The following TBC1D32 variants were observed in gnomAD, a reference collection of about 807,000 sequenced individuals.
TBC1D32 encodes protein broad-minded.
Under a neutral mutation model 170.3 loss-of-function variants are expected in TBC1D32, and 151 were observed. That is an observed-to-expected ratio of 0.89 (90% confidence interval 0.78 to 1.01). The LOEUF (loss-of-function observed/expected upper bound fraction) is 1.01, where lower values mean the gene tolerates loss of function less well. TBC1D32 is among the 50% of genes least tolerant of loss of function. The pLI, the probability that TBC1D32 is intolerant of heterozygous loss-of-function variation, is 0.00. For missense variants in TBC1D32, 1,464 were observed against 1,457.1 expected, an observed-to-expected ratio of 1.00 and a Z score of -0.08; for synonymous variants, 498 against 488.0, an observed-to-expected ratio of 1.02 and a Z score of -0.27.
intron 30 of TBC1D32, among the ~76,000 whole-genome samples, chr6:121,096,797 T>C (rs1468011724): frequency 1.3e-5 from 2 of 152,220 alleles, no homozygotes; most frequent in Non-Finnish European, 1.5e-5. Flanking sequence ...CTTCAAACTA[T>C]ACTACAAGGC....
At chr6:121,316,443 C>T (rs1808947550) in intron 3 of TBC1D32, among the ~76,000 whole-genome samples, 1 of 152,076 alleles carries the variant, frequency 6.6e-6, no homozygotes, top group South Asian at 2.1e-4. Context: ...AGCCATCTGA[C>T]TGTATTAAAC....
chr6:121,184,082 G>C (rs1044883621), intron 22 of TBC1D32, among the ~76,000 whole-genome samples: 19 of 152,014 alleles, frequency 1.2e-4, no homozygotes, highest in African/African-American at 4.3e-4. Flanking sequence ...AATCAACACA[G>C]TCTCTATGAC....
In TBC1D32 at chr6:121,270,136, A is replaced by C. The variant is rs191057056; in HGVS notation, c.1733+8985T>G. Among the ~76,000 whole-genome samples, 412 of 152,320 alleles carry C rather than the reference A, an allele frequency of 2.7e-3. 1 individual carries two copies. The highest frequency in any genetic ancestry group is 4.6e-3 in the Admixed American group (70 of 15,294). On this transcript the variant is annotated intron_variant, in intron 15 of 31. Transcript: ENST00000398212. ...CAGTATGCAGAGGGAAATTTATAGC[A>C]CTAAATGCCCACAAGAGAAAGCAGG...
chr6:121,215,372 T>C (rs1275256392), intron 21 of TBC1D32, among the ~76,000 whole-genome samples: 1 of 152,212 alleles, frequency 6.6e-6, no homozygotes, highest in Non-Finnish European at 1.5e-5. Context: ...ACCAGCATCA[T>C]GGGGCATGCA....
intron 22 of TBC1D32, chr6:121,170,453 A>C: frequency 6.2e-7 from 1 of 1,607,992 alleles, no homozygotes; most frequent in Non-Finnish European, 8.5e-7. Flanking sequence ...AGCATTTAGT[A>C]ACATTTCAGA....
At chr6:121,172,504 A>C (rs1270703946) in intron 22 of TBC1D32, among the ~76,000 whole-genome samples, 1 of 152,172 alleles carries the variant, frequency 6.6e-6, no homozygotes. Context: ...GCAGGACTAC[A>C]AATGGCTCAG....
At chr6:121,229,106 T>C (rs1227610663) in intron 20 of TBC1D32, among the ~76,000 whole-genome samples, 1 of 152,082 alleles carries the variant, frequency 6.6e-6, no homozygotes, top group Non-Finnish European at 1.5e-5. Flanking sequence ...TATCTTTATC[T>C]TTAAAGTGAA....
Position 121,307,991 on chromosome 6 carries a change from A to G in TBC1D32, c.675T>C (p.Pro225=), listed in dbSNP as rs1285984331. 2.5e-6 allele frequency: 4 copies of G among 1,613,222 alleles called. No individual in the cohort carries two copies. The highest frequency in any genetic ancestry group is 3.4e-6 in the Non-Finnish European group (4 of 1,179,710). The part of the protein sequence containing the change: ...CEKLTVSLSD[P]DPVFSDRILK... ...ATTTTCTTACACTAAACACAGGATCAGGATCTGAAAGAGACACGGTCAGTT... is the reference window on the plus strand; with the variant it reads ...ATTTTCTTACACTAAACACAGGATCGGGATCTGAAAGAGACACGGTCAGTT... The change falls in exon 5 of 32, where the codon CCT becomes CCC. Residue 225 remains proline (P), a synonymous_variant. Coordinates refer to ENST00000398212, the MANE Select transcript of TBC1D32 (RefSeq NM_152730.6).
chr6:121,161,375 C>G lies in TBC1D32; in HGVS notation c.2571-319G>C, dbSNP rs548830616. Among the ~76,000 whole-genome samples the G allele has an allele frequency of 2.0e-3, 312 of 152,236 alleles. 1 individual carries two copies. Among genetic ancestry groups the G allele is most frequent in the African/African-American group, 7.2e-3 (300 of 41,528 alleles). On this transcript the variant is annotated intron_variant, in intron 22 of 31. Coordinates refer to ENST00000398212, the MANE Select transcript of TBC1D32 (RefSeq NM_152730.6). ...CCCCAGCTTCACCCTCTAACAGGCC[C>G]CAGTGTGTGTTGTTCCCCACCATGT...
At chr6:121,091,957 G>A (rs1776851823) in intron 30 of TBC1D32, among the ~76,000 whole-genome samples, 1 of 152,014 alleles carries the variant, frequency 6.6e-6, no homozygotes, top group Admixed American at 6.6e-5. Flanking sequence ...AGACACAAAT[G>A]GAGAACACCA....
At position 121,112,625 on chromosome 6, in the gene TBC1D32, C is replaced by A. The variant is rs1338414112; in HGVS notation, c.3204G>T (p.Trp1068Cys). The change falls in exon 29 of 32, where the codon TGG (tryptophan) becomes TGT (cysteine). Residue 1068 changes from tryptophan to cysteine, a missense_variant. Transcript: ENST00000398212. ...TTATCATGAACAGAGAAGATACAAA[C>A]CAGTCATGGCCAGCATAATTCCCTT... ...CLQGNYAGHD[W>C]FVSSLFMIML... is the part of the protein sequence containing the mutation. 6.2e-7 allele frequency: 1 copy of A among 1,600,166 alleles called. No homozygotes were observed. The highest frequency in any genetic ancestry group is 1.7e-5 in the Admixed American group (1 of 58,624).
intron 22 of TBC1D32, among the ~76,000 whole-genome samples, chr6:121,197,516 A>G: frequency 6.6e-6 from 1 of 152,182 alleles, no homozygotes; most frequent in East Asian, 1.9e-4. Context: ...ATACACTTGT[A>G]CTAAGACATT....
At chr6:121,259,173 C>T (rs1799441731) in intron 15 of TBC1D32, among the ~76,000 whole-genome samples, 1 of 151,914 alleles carries the variant, frequency 6.6e-6, no homozygotes, top group Non-Finnish European at 1.5e-5. Context: ...TGGCGCACAC[C>T]TATAGTCTCA....
intron 21 of TBC1D32, among the ~76,000 whole-genome samples, chr6:121,208,573 C>G (rs1792602057): frequency 6.6e-6 from 1 of 151,794 alleles, no homozygotes; most frequent in Non-Finnish European, 1.5e-5. Context: ...ACAGCCAAAC[C>G]ATATCATCCT....
intron 31 of TBC1D32, among the ~76,000 whole-genome samples, chr6:121,089,651 C>A (rs1425284421): frequency 2.6e-5 from 4 of 151,626 alleles, no homozygotes; most frequent in Admixed American, 2.6e-4. Context: ...TGATATATAT[C>A]GAAAGTTTAA....
At chr6:121,294,497 G>C in intron 11 of TBC1D32, 73 bp downstream of exon 11, 1 of 1,093,594 alleles carries the variant, frequency 9.1e-7, no homozygotes, top group Non-Finnish European at 1.3e-6. Context: ...AAAAATAAAA[G>C]TTCCTACTAA....
At chr6:121,261,553 G>A (rs941658646) in intron 15 of TBC1D32, among the ~76,000 whole-genome samples, 7 of 152,026 alleles carry the variant, frequency 4.6e-5, no homozygotes, top group Admixed American at 3.3e-4. Flanking sequence ...CCTGACAATT[G>A]AAAGAAAAAC....
chr6:121,161,166 A>G, intron 22 of TBC1D32, 110 bp from the exon 23 acceptor site: 2 of 798,662 alleles, frequency 2.5e-6, no homozygotes, highest in Non-Finnish European at 3.9e-6. Flanking sequence ...TTATCAATCT[A>G]TTTCTTTTTC....
chr6:121,238,750 G>T (rs1369156505), intron 20 of TBC1D32, among the ~76,000 whole-genome samples: 1 of 151,414 alleles, frequency 6.6e-6, no homozygotes, highest in Non-Finnish European at 1.5e-5. Context: ...TTGGTTGGTT[G>T]GTTTTTCTTT....
Sources: gnomAD v4.1 joint callset for allele counts (sites outside exome capture counted in the v4.1 genomes callset) on GRCh38, gnomAD v4.1.1 for gene constraint, MANE v1.5 for transcripts, NCBI Gene and HGNC (gene_info 2026-07-23, HGNC 2026-07-21) for gene names.